ALPK1: variants seen among roughly 807,000 people sequenced by gnomAD.
ALPK1 encodes alpha-protein kinase 1.
A neutral mutation model predicts 120.6 loss-of-function variants in ALPK1; 110 were observed. The observed-to-expected ratio is 0.91, with a 90% CI of 0.78 to 1.07. ALPK1 has a LOEUF of 1.07. Ranked by LOEUF, ALPK1 falls within the 50% of genes least tolerant of loss-of-function variation. ALPK1 has a pLI of 0.00. For synonymous variants in ALPK1, 582 were observed against 560.3 expected (o/e 1.04, Z -0.55); for missense variants, 1,498 against 1,483.9 (o/e 1.01, Z -0.16).
At chr4:112,374,352 G>C (rs1731556710) in intron 2 of ALPK1, among the ~76,000 whole-genome samples, 1 of 152,114 alleles carries the variant, frequency 6.6e-6, no homozygotes, top group Non-Finnish European at 1.5e-5. Flanking sequence ...TCATATCTTA[G>C]GCTTTTCTAA....
At chr4:112,409,787 G>A (rs1733368282) in intron 4 of ALPK1, among the ~76,000 whole-genome samples, 1 of 152,160 alleles carries the variant, frequency 6.6e-6, no homozygotes, top group African/African-American at 2.4e-5. Flanking sequence ...AGAGGCCGAG[G>A]ACGCTACGGT....
chr4:112,401,571 G>A (rs1352551139), intron 4 of ALPK1, among the ~76,000 whole-genome samples: 1 of 152,130 alleles, frequency 6.6e-6, no homozygotes, highest in African/African-American at 2.4e-5. Flanking sequence ...GTGTGCTGGA[G>A]GAATCATCAA....
At chr4:112,323,580 G>A (rs892746710) in intron 2 of ALPK1, among the ~76,000 whole-genome samples, 3 of 152,038 alleles carry the variant, frequency 2.0e-5, no homozygotes, top group Non-Finnish European at 2.9e-5. Flanking sequence ...CAGGCTATAC[G>A]TTTTGGACAA....
At position 112,335,378 on chromosome 4, in the gene ALPK1, G is replaced by A. The variant is rs554794566; in HGVS notation, c.-101+19526G>A. Reference sequence around the variant, plus strand: ...TAGTCTTTTCTAAAGAACAAGGTAAGCCAGATGATCAAGGTTCTTTTCATT... The same window carrying A: ...TAGTCTTTTCTAAAGAACAAGGTAAACCAGATGATCAAGGTTCTTTTCATT... On this transcript the variant is annotated intron_variant, in intron 2 of 15. Coordinates refer to ENST00000650871, the MANE Select transcript of ALPK1 (RefSeq NM_025144.4). Among the ~76,000 whole-genome samples the A allele has an allele frequency of 1.4e-3, 208 of 152,208 alleles. 1 individual carries two copies. The highest frequency in any genetic ancestry group is 1.3e-3 in the Non-Finnish European group (90 of 68,020).
chr4:112,358,091 T>A, intron 2 of ALPK1: 1 of 584,406 alleles, frequency 1.7e-6, no homozygotes, highest in African/African-American at 1.8e-5. Flanking sequence ...CTGGTTGTCC[T>A]TAAGATGCGA....
At chr4:112,325,950 C>A (rs138859131) in intron 2 of ALPK1, among the ~76,000 whole-genome samples, 55 of 152,290 alleles carry the variant, frequency 3.6e-4, no homozygotes, top group African/African-American at 1.3e-3. Context: ...GCTGTGTGAG[C>A]GAGCAGTGCC....
chr4:112,441,174 C>A, intron 15 of ALPK1, 29 bp from the exon 16 acceptor site: 1 of 1,612,566 alleles, frequency 6.2e-7, no homozygotes, highest in Non-Finnish European at 8.5e-7. Context: ...TCTGGTGATG[C>A]TCGCAAATAT....
chr4:112,425,604 A>G (rs758326801), intron 6 of ALPK1, 61 bp from the exon 7 acceptor site: 33 of 1,391,488 alleles, frequency 2.4e-5, no homozygotes, highest in Non-Finnish European at 3.3e-5. Flanking sequence ...CTGTGAAAAT[A>G]GTTTTAATTT....
At chr4:112,349,056 T>G (rs536413744) in intron 2 of ALPK1, among the ~76,000 whole-genome samples, 11 of 146,168 alleles carry the variant, frequency 7.5e-5, no homozygotes, top group South Asian at 2.2e-4. Context: ...GCAGTTTTTG[T>G]TTTTTTTTTG....
At chr4:112,415,941 G>C (rs568263381) in intron 5 of ALPK1, among the ~76,000 whole-genome samples, 2 of 152,228 alleles carry the variant, frequency 1.3e-5, no homozygotes, top group African/African-American at 4.8e-5. Flanking sequence ...AAAAATGCAA[G>C]CTTAATGTAT....
intron 2 of ALPK1, among the ~76,000 whole-genome samples, chr4:112,325,857 A>T (rs761006163): frequency 3.9e-5 from 6 of 152,110 alleles, no homozygotes; most frequent in Non-Finnish European, 7.4e-5. Context: ...TTGTTTTAAG[A>T]TTCATAATTC....
chr4:112,367,838 A>G lies in ALPK1; in HGVS notation c.-100-9840A>G, dbSNP rs554214415. On this transcript the variant is annotated intron_variant, in intron 2 of 15. Transcript: ENST00000650871. ...CTATTTCTCTGCCTTTTTTCTGTTG[A>G]ATTCTAAGTGATATATTCTGATTTA... Among the ~76,000 whole-genome samples the G allele has an allele frequency of 5.3e-5, 8 of 152,148 alleles. No homozygotes were observed. In the East Asian group the frequency reaches 1.5e-3, roughly 29 times the overall value.
At chr4:112,356,261 G>A in intron 2 of ALPK1, 1 of 1,347,092 alleles carries the variant, frequency 7.4e-7, no homozygotes, top group East Asian at 2.3e-5. Flanking sequence ...GAGCCCCGCG[G>A]GCACAGGCAA....
In ALPK1 at chr4:112,430,576, G is replaced by C. The variant is rs1466414532; in HGVS notation, c.1029G>C (p.Glu343Asp). 2.5e-6 allele frequency: 4 copies of C among 1,614,178 alleles called. No homozygotes were observed. Among genetic ancestry groups the C allele is most frequent in the Non-Finnish European group, 3.4e-6 (4 of 1,180,030 alleles). The change falls in exon 11 of 16, where the codon GAG (glutamate) becomes GAC (aspartate). Residue 343 changes from glutamate (E) to aspartate (D), a missense_variant. By Grantham distance (45) the Glu-to-Asp change is conservative. Transcript: ENST00000650871. ...GCCTCCTCACCAAGAGAGATGATGA[G>C]CCTGTTACTGGAAAACAGGAGCTTC... ...EIGLLTKRDD[E>D]PVTGKQELHS...
chr4:112,336,095 G>A (rs958119235), intron 2 of ALPK1, among the ~76,000 whole-genome samples: 5 of 152,130 alleles, frequency 3.3e-5, no homozygotes, highest in Non-Finnish European at 7.4e-5. Flanking sequence ...TATATCCCTA[G>A]TACCTACAAT....
At chr4:112,401,848 T>C (rs1200903946) in intron 4 of ALPK1, among the ~76,000 whole-genome samples, 1 of 152,214 alleles carries the variant, frequency 6.6e-6, no homozygotes, top group East Asian at 1.9e-4. Context: ...CTTACAACTA[T>C]TTTTCAGAAG....
rs1483926140 is a variant in ALPK1, at chr4:112,357,599, TC to T, written c.-100-20076del. 3.1e-6 allele frequency: 5 copies of T among 1,593,886 alleles called. No homozygotes were observed. The East Asian group carries it at 1.1e-4, about 36-fold the overall frequency. On this transcript the variant is annotated intron_variant, in intron 2 of 15. Transcript: ENST00000650871. The stretch of plus-strand genomic sequence containing the variant: ...TCCTCCTTTGCCCTGGAGTTGCAGA[TC>T]CCTTTCCCAGTCTGCCTGGAGAACC...
intron 9 of ALPK1, among the ~76,000 whole-genome samples, chr4:112,428,262 G>A (rs1734326697): frequency 6.6e-6 from 1 of 152,178 alleles, no homozygotes; most frequent in African/African-American, 2.4e-5. Context: ...AGAGAGAACT[G>A]GGAGCTGAGC....
At chr4:112,412,553 G>A in intron 5 of ALPK1, 1 of 405,022 alleles carries the variant, frequency 2.5e-6, no homozygotes, top group South Asian at 1.8e-5. Flanking sequence ...CACTTTGAAT[G>A]AAATGAAAAA....
Sources: allele counts gnomAD v4.1 joint callset (sites outside exome capture counted in the v4.1 genomes callset), GRCh38; gene constraint gnomAD v4.1.1; transcripts MANE v1.5; gene names NCBI Gene and HGNC (gene_info 2026-07-23, HGNC 2026-07-21).